The following SNRNP27 variants were observed in gnomAD, a reference collection of about 807,000 sequenced individuals.
SNRNP27 encodes the protein U4/U6.U5 small nuclear ribonucleoprotein 27 kDa protein.
In SNRNP27, 22 loss-of-function variants were observed where a neutral mutation model predicts 25.1. The observed-to-expected ratio is 0.88, with a 90% CI of 0.63 to 1.25. The LOEUF (loss-of-function observed/expected upper bound fraction) is 1.25. SNRNP27 is among the 50% of genes most tolerant of loss of function. The pLI, the probability that SNRNP27 is intolerant of heterozygous loss-of-function variation, is 0.00. For synonymous variants in SNRNP27, 66 were observed against 64.9 expected (o/e 1.02, Z -0.08); for missense variants, 150 against 202.3 (o/e 0.74, Z 1.57).
chr2:69,903,507 A>G, intron 5 of SNRNP27: 1 of 385,470 alleles, frequency 2.6e-6, no homozygotes, highest in Non-Finnish European at 4.7e-6. Context: ...GCATAATTTC[A>G]AGTCTATGGG....
chr2:69,898,856 C>G (rs4852375), intron 4 of SNRNP27, among the ~76,000 whole-genome samples: 88,213 of 152,028 alleles, frequency 0.58, 28,313 homozygotes, highest in African/African-American at 0.85. Context: ...TTTCCAAAGA[C>G]TATTTTATAA....
At chr2:69,895,658 C>T (rs1020000743) in intron 2 of SNRNP27, among the ~76,000 whole-genome samples, 15 of 152,148 alleles carry the variant, frequency 9.9e-5, no homozygotes, top group Admixed American at 7.9e-4. Flanking sequence ...TCCCCTGGTT[C>T]AAGCAATTCT....
intron 4 of SNRNP27, among the ~76,000 whole-genome samples, chr2:69,898,408 A>G (rs527968837): frequency 6.7e-6 from 1 of 149,578 alleles, no homozygotes; most frequent in Non-Finnish European, 1.5e-5. Context: ...GAAGAGAGAG[A>G]TGGGTATAGA....
chr2:69,899,480 A>G (rs2104119454), intron 4 of SNRNP27, among the ~76,000 whole-genome samples: 1 of 151,584 alleles, frequency 6.6e-6, no homozygotes, highest in South Asian at 2.1e-4. Flanking sequence ...TCCAGGCTGG[A>G]GTGCAGCGGC....
rs187876614 is a variant in SNRNP27, at chr2:69,902,719, G to A, written c.349-462G>A. ...TGCTTCTTCTTCTGCTTCTGCTGCTGCTGTTTCAGTTTCTTCTGCTGCTGC... is the reference window on the plus strand; with the variant it reads ...TGCTTCTTCTTCTGCTTCTGCTGCTACTGTTTCAGTTTCTTCTGCTGCTGC... On this transcript the variant is annotated intron_variant, in intron 4 of 5. Transcript: ENST00000244227. Among the ~76,000 whole-genome samples, 633 of 151,872 alleles carry A rather than the reference G, an allele frequency of 4.2e-3. 5 individuals are homozygous for A. Among genetic ancestry groups the A allele is most frequent in the African/African-American group, 0.013 (539 of 41,376 alleles).
At chr2:69,903,306 A>G in intron 5 of SNRNP27, 61 bp downstream of exon 5, 1 of 1,137,992 alleles carries the variant, frequency 8.8e-7, no homozygotes, top group Admixed American at 1.7e-5. Flanking sequence ...TTCAAACTTT[A>G]TTATGAGATA....
In SNRNP27 at chr2:69,904,327, A is replaced by T. The variant is rs745425927; in HGVS notation, c.*19A>T. 6.2e-7 allele frequency: 1 copy of T among 1,604,326 alleles called. No homozygotes were observed. Among genetic ancestry groups the T allele is most frequent in the Non-Finnish European group, 8.5e-7 (1 of 1,172,942 alleles). ...TGCATGAGAATTGAAGTGTTGAAGG[A>T]TGATTTTTTTTCCCCTCATCTTGGT... is the stretch of plus-strand genomic sequence containing the variant. On this transcript the variant is annotated 3_prime_UTR_variant, in exon 6 of 6. Transcript: ENST00000244227.
At position 69,894,037 on chromosome 2, in the gene SNRNP27, C is replaced by A. The variant is rs765323246; in HGVS notation, c.34+19C>A. The A allele has an allele frequency of 6.2e-7, 1 of 1,609,904 alleles. No homozygotes were observed. Among genetic ancestry groups the A allele is most frequent in the Non-Finnish European group, 8.5e-7 (1 of 1,176,518 alleles). ...CGGAGGGGTGAGTCCTGTAGCAATT[C>A]GGAGGATATGGGGCTCTGTTGGAGG... On this transcript the variant is annotated intron_variant, in intron 1 of 5. Coordinates refer to ENST00000244227, the MANE Select transcript of SNRNP27 (RefSeq NM_006857.3).
intron 4 of SNRNP27, among the ~76,000 whole-genome samples, chr2:69,898,943 A>G (rs1024333100): frequency 6.6e-6 from 1 of 152,232 alleles, no homozygotes; most frequent in Non-Finnish European, 1.5e-5. Flanking sequence ...AAAATATGTC[A>G]AAAGTAAAGC....
intron 4 of SNRNP27, among the ~76,000 whole-genome samples, chr2:69,900,546 C>T (rs150700497): frequency 2.3e-4 from 35 of 152,276 alleles, no homozygotes; most frequent in East Asian, 1.5e-3. Context: ...TTATTTTAGC[C>T]CCACTTCAAA....
intron 4 of SNRNP27, 108 bp downstream of exon 4, chr2:69,897,564 T>A: frequency 1.1e-6 from 1 of 894,756 alleles, no homozygotes; most frequent in Non-Finnish European, 1.8e-6. Context: ...AGACAATAAC[T>A]ATCTGTTTGA....
At chr2:69,901,803 G>T (rs1676704532) in intron 4 of SNRNP27, among the ~76,000 whole-genome samples, 1 of 152,216 alleles carries the variant, frequency 6.6e-6, no homozygotes, top group South Asian at 2.1e-4. Context: ...CCTGGCGACA[G>T]TGAGGCCCTG....
chr2:69,902,282 CT>C (rs1188078815), intron 4 of SNRNP27, among the ~76,000 whole-genome samples: 224 of 97,390 alleles, frequency 2.3e-3, no homozygotes, highest in African/African-American at 9.1e-3. Flanking sequence ...CCTCCTCCTC[CT>C]TCCTCCTTCC....
Position 69,893,959 on chromosome 2 carries a change from G to C in SNRNP27, c.-26G>C. The C allele has an allele frequency of 6.2e-7, 1 of 1,613,710 alleles. No individual in the cohort carries two copies. The highest frequency in any genetic ancestry group is 8.5e-7 in the Non-Finnish European group (1 of 1,179,616). ...CGGCCCTCCCGGAAGTTGTTGCACA[G>C]TTGTTTCCGGGAAGCGGGACTCCAA... On this transcript the variant is annotated 5_prime_UTR_variant, in exon 1 of 6. Coordinates refer to ENST00000244227, the MANE Select transcript of SNRNP27 (RefSeq NM_006857.3).
chr2:69,898,433 AGAG>A (rs1208119155), intron 4 of SNRNP27, among the ~76,000 whole-genome samples: 2 of 37,070 alleles, frequency 5.4e-5, no homozygotes, highest in Non-Finnish European at 9.0e-5. Context: ...GGAAATGAAG[AGAG>A]GAGAGGGGAT....
At chr2:69,895,372 T>C (rs1274058746) in intron 2 of SNRNP27, among the ~76,000 whole-genome samples, 158 bp downstream of exon 2, 1 of 152,236 alleles carries the variant, frequency 6.6e-6, no homozygotes, top group East Asian at 1.9e-4. Context: ...ACATTCACCT[T>C]GGTTAAATGG....
intron 4 of SNRNP27, among the ~76,000 whole-genome samples, chr2:69,901,493 C>T (rs1676697570): frequency 6.6e-6 from 1 of 152,122 alleles, no homozygotes; most frequent in Non-Finnish European, 1.5e-5. Flanking sequence ...GCATTTGTGT[C>T]TGTTATTCTG....
Position 69,904,407 on chromosome 2 carries a change from A to C in SNRNP27, c.*99A>C. 1 of 905,286 alleles carries C rather than the reference A, an allele frequency of 1.1e-6. No homozygotes were observed. Among genetic ancestry groups the C allele is most frequent in the East Asian group, 2.4e-5 (1 of 41,076 alleles). 56.1% of individuals were successfully genotyped at this position (905,286 alleles called of 1,614,324 possible). On this transcript the variant is annotated 3_prime_UTR_variant, in exon 6 of 6. Coordinates refer to ENST00000244227, the MANE Select transcript of SNRNP27 (RefSeq NM_006857.3). The stretch of plus-strand genomic sequence containing the variant: ...ACTTGCATTCAAAAAACAGGATCTC[A>C]GTTCTCCTTTCTTGTAAAGTAAGAA...
chr2:69,899,723 C>T (rs1013157980), intron 4 of SNRNP27, among the ~76,000 whole-genome samples: 3 of 152,144 alleles, frequency 2.0e-5, no homozygotes, highest in African/African-American at 4.8e-5. Context: ...AGACATTGCG[C>T]CCGGCCTCAT....
Sources: allele counts gnomAD v4.1 joint callset (sites outside exome capture counted in the v4.1 genomes callset), GRCh38; gene constraint gnomAD v4.1.1; transcripts MANE v1.5; gene names NCBI Gene and HGNC (gene_info 2026-07-23, HGNC 2026-07-21).